Variants in RASGRF1 observed in about 807,000 individuals in gnomAD.
RASGRF1 encodes ras-specific guanine nucleotide-releasing factor 1.
Under a neutral mutation model 138.7 loss-of-function variants are expected in RASGRF1, and 40 were observed. The ratio of observed to expected loss-of-function variants is 0.29; its 90% CI spans 0.22 to 0.38. RASGRF1 has a LOEUF of 0.38. Among genes scored for constraint, RASGRF1 ranks in the 10% least tolerant of loss-of-function variants. RASGRF1 has a pLI of 1.00. For missense variants in RASGRF1, 1,108 were observed against 1,650.4 expected (o/e 0.67, Z 5.69); for synonymous variants, 614 against 663.2 (o/e 0.93, Z 1.14).
At chr15:78,963,830 C>G in intron 26 of RASGRF1, among the ~76,000 whole-genome samples, 1 of 152,142 alleles carries the variant, frequency 6.6e-6, no homozygotes, top group Non-Finnish European at 1.5e-5. Flanking sequence ...TAACCTACAC[C>G]CAGTGATAAA....
chr15:78,984,933 C>A (rs989483574), intron 23 of RASGRF1, 74 bp downstream of exon 23: 1 of 1,505,580 alleles, frequency 6.6e-7, no homozygotes, highest in Non-Finnish European at 9.2e-7. Flanking sequence ...TGCCCAGTGG[C>A]CAGCCCACGG....
At chr15:78,995,654 C>T (rs936067608) in intron 20 of RASGRF1, 86 bp downstream of exon 20, 16 of 1,460,200 alleles carry the variant, frequency 1.1e-5, no homozygotes, top group African/African-American at 5.6e-5. Flanking sequence ...AAAATGAATA[C>T]GGGTGATGCC....
intron 1 of RASGRF1, among the ~76,000 whole-genome samples, chr15:79,066,266 G>T (rs1017045492): frequency 6.6e-6 from 1 of 152,190 alleles, no homozygotes. Context: ...GCTCAGAGAG[G>T]TTGAGCTGCT....
At chr15:79,063,313 G>C (rs971786871) in intron 2 of RASGRF1, among the ~76,000 whole-genome samples, 1 of 152,212 alleles carries the variant, frequency 6.6e-6, no homozygotes, top group Non-Finnish European at 1.5e-5. Flanking sequence ...GAAAGAACTA[G>C]AGATGGCCTT....
chr15:79,035,282 C>T (rs889315190), intron 5 of RASGRF1, 72 bp from the exon 6 acceptor site: 2 of 1,279,274 alleles, frequency 1.6e-6, no homozygotes, highest in African/African-American at 3.0e-5. Flanking sequence ...TGTCCCCAAA[C>T]CTCCTGCGTG....
At chr15:79,018,435 C>T (rs1224463038) in intron 11 of RASGRF1, among the ~76,000 whole-genome samples, 1 of 152,200 alleles carries the variant, frequency 6.6e-6, no homozygotes, top group East Asian at 1.9e-4. Context: ...CCTGAAAGTC[C>T]CTTGAAGTCT....
chr15:79,001,341 G>A (rs1170332428), intron 16 of RASGRF1, among the ~76,000 whole-genome samples: 1 of 151,932 alleles, frequency 6.6e-6, no homozygotes, highest in Admixed American at 6.6e-5. Flanking sequence ...GATCTTCCAC[G>A]AATGAGCCCT....
chr15:79,069,244 T>C (rs1166887981), intron 1 of RASGRF1, among the ~76,000 whole-genome samples: 2 of 152,122 alleles, frequency 1.3e-5, no homozygotes, highest in African/African-American at 4.8e-5. Flanking sequence ...CACCTTGGGG[T>C]TCTGATGACA....
intron 2 of RASGRF1, 60 bp downstream of exon 2, chr15:79,064,360 C>G (rs2057647831): frequency 2.0e-6 from 3 of 1,510,110 alleles, no homozygotes; most frequent in Non-Finnish European, 2.7e-6. Flanking sequence ...GCCCTTGGGT[C>G]TGGTCTTTTC....
chr15:78,962,661 T>TC (rs2055570345), intron 26 of RASGRF1, among the ~76,000 whole-genome samples: 1 of 152,170 alleles, frequency 6.6e-6, no homozygotes, highest in South Asian at 2.1e-4. Context: ...GGCAGGAGGA[T>TC]CGCTTGAGCC....
At chr15:79,072,605 T>G (rs191752870) in intron 1 of RASGRF1, among the ~76,000 whole-genome samples, 1 of 152,238 alleles carries the variant, frequency 6.6e-6, no homozygotes, top group East Asian at 1.9e-4. Flanking sequence ...ATTTCTTCCA[T>G]GGAAAAACAA....
Position 78,973,532 on chromosome 15 carries a change from A to G in RASGRF1, c.3495-112T>C. ...CTTTGCTAGAGGCAAAGGGACTTGCAGTCACCAAGAATCACACTACACTCT... is the reference window on the plus strand; with the variant it reads ...CTTTGCTAGAGGCAAAGGGACTTGCGGTCACCAAGAATCACACTACACTCT... On this transcript the variant is annotated intron_variant, in intron 24 of 26. Coordinates refer to ENST00000558480, the MANE Select transcript of RASGRF1 (RefSeq NM_001145648.3). The surrounding 1 kb of genome is among the most constrained non-coding windows in gnomAD (Gnocchi z 4.9). 1.3e-6 allele frequency: 1 copy of G among 753,126 alleles called. No individual in the cohort carries two copies. Among genetic ancestry groups the G allele is most frequent in the South Asian group, 1.7e-5 (1 of 58,840 alleles). 46.7% of individuals were successfully genotyped at this position (753,126 alleles called of 1,614,324 possible). A position where few individuals can be genotyped will look rare whatever the true frequency, so the allele number is the denominator to read the frequency against.
chr15:79,036,684 T>C (rs943444562), intron 5 of RASGRF1, among the ~76,000 whole-genome samples: 1 of 151,882 alleles, frequency 6.6e-6, no homozygotes, highest in Non-Finnish European at 1.5e-5. Flanking sequence ...CCCAGAGGGA[T>C]GTGAAATGTC....
intron 23 of RASGRF1, chr15:78,984,400 A>G (rs2056103245): frequency 6.2e-6 from 1 of 161,064 alleles, no homozygotes; most frequent in African/African-American, 2.4e-5. Flanking sequence ...AGGCAACTTC[A>G]TTCCTGAGGA....
chr15:79,020,205 C>A, intron 10 of RASGRF1, 101 bp from the exon 11 acceptor site: 2 of 1,103,878 alleles, frequency 1.8e-6, no homozygotes, highest in Admixed American at 3.6e-5. Context: ...CAAGGAGCAT[C>A]CATGTATACA....
chr15:78,970,455 C>T (rs1239257285), intron 26 of RASGRF1, among the ~76,000 whole-genome samples: 7 of 151,580 alleles, frequency 4.6e-5, no homozygotes, highest in East Asian at 2.0e-4. Context: ...AGTCCAATTA[C>T]ATAACCTCCT....
rs1043448089 is a variant in RASGRF1 at position 79,076,717 on chromosome 15, C to T, written c.277-12191G>A. Among the ~76,000 whole-genome samples, 12 of 152,346 alleles carry T rather than the reference C, an allele frequency of 7.9e-5. No individual in the cohort carries two copies. The East Asian group carries it at 2.3e-3, about 29-fold the overall frequency. On this transcript the variant is annotated intron_variant, in intron 1 of 26. Transcript: ENST00000558480. ...CCATGGAGACCCAGACGTGTATTTT[C>T]TCCCTGGGTTCCATTAACTACCGCT...
intron 22 of RASGRF1, among the ~76,000 whole-genome samples, chr15:78,988,021 ATTG>A (rs927862412): frequency 1.3e-5 from 2 of 152,226 alleles, no homozygotes; most frequent in Admixed American, 1.3e-4. Flanking sequence ...GAGGAAAATC[ATTG>A]TTGTGCCAGC....
intron 13 of RASGRF1, among the ~76,000 whole-genome samples, chr15:79,010,391 A>T (rs1243560903): frequency 6.6e-6 from 1 of 152,090 alleles, no homozygotes; most frequent in Non-Finnish European, 1.5e-5. Context: ...CTGTCTGCAA[A>T]ATGGGAGAGT....
Sources: allele counts gnomAD v4.1 joint callset (sites outside exome capture counted in the v4.1 genomes callset), GRCh38; gene constraint gnomAD v4.1.1; non-coding constraint Gnocchi (gnomAD v3.1); transcripts MANE v1.5; gene names NCBI Gene and HGNC (gene_info 2026-07-23, HGNC 2026-07-21).